Variants in SIN3B observed in about 807,000 individuals in gnomAD.
SIN3B encodes the protein paired amphipathic helix protein Sin3b.
In SIN3B, 19 loss-of-function variants were observed where a neutral mutation model predicts 120.2. That is an observed-to-expected ratio of 0.16 (90% CI 0.11 to 0.23). The LOEUF (loss-of-function observed/expected upper bound fraction) is 0.23. Among genes scored for constraint, SIN3B ranks in the 10% least tolerant of loss-of-function variants. The pLI is 1.00. For missense variants in SIN3B, 1,073 were observed against 1,573.0 expected, an observed-to-expected ratio of 0.68 and a Z score of 5.38; for synonymous variants, 654 against 653.2, an observed-to-expected ratio of 1.00 and a Z score of -0.02.
intron 3 of SIN3B, among the ~76,000 whole-genome samples, chr19:16,835,924 AC>A (rs1319035181): frequency 6.6e-6 from 1 of 152,030 alleles, no homozygotes; most frequent in Non-Finnish European, 1.5e-5. Flanking sequence ...TACAGGTGTG[AC>A]CCACCACGCC....
chr19:16,858,074 G>A (rs1204117918), intron 8 of SIN3B, among the ~76,000 whole-genome samples: 3 of 151,874 alleles, frequency 2.0e-5, no homozygotes, highest in Non-Finnish European at 1.5e-5. Context: ...ACAGAGTTTC[G>A]CCATGTTGGT....
intron 14 of SIN3B, among the ~76,000 whole-genome samples, chr19:16,873,530 C>T (rs566803476): frequency 6.6e-6 from 1 of 151,262 alleles, no homozygotes; most frequent in Admixed American, 6.6e-5. Context: ...CCTCCCCCCC[C>T]CCCCAGGCTG....
In SIN3B at chr19:16,849,246, C is replaced by T. The variant is rs377423384; in HGVS notation, c.726+2133C>T. Among the ~76,000 whole-genome samples the T allele has an allele frequency of 1.2e-4, 18 of 152,298 alleles. 1 individual carries two copies. The South Asian group carries it at 2.5e-3, about 21-fold the overall frequency. On this transcript the variant is annotated intron_variant, in intron 5 of 18. Coordinates refer to ENST00000248054, the MANE Select transcript of SIN3B (RefSeq NM_001297595.2). ...TTGACTGGCCTGGATCAGAGGTTGG[C>T]AAACCTTCTCTACAAAGGGCCAGAT...
Position 16,843,218 on chromosome 19 carries a change from C to T in SIN3B, c.582+1250C>T, listed in dbSNP as rs567281375. On this transcript the variant is annotated intron_variant, in intron 4 of 18. Coordinates refer to ENST00000248054, the MANE Select transcript of SIN3B (RefSeq NM_001297595.2). ...CTTCAAACAATTCTCCTGCCTCAGC[C>T]TCCTGAGCAGCTGGGACTACAGGCA... Among the ~76,000 whole-genome samples, 4 of 152,336 alleles carry T rather than the reference C, an allele frequency of 2.6e-5. No homozygotes were observed. In the South Asian group the frequency reaches 6.2e-4, roughly 24 times the overall value.
intron 17 of SIN3B, 32 bp downstream of exon 17, chr19:16,877,671 T>C: frequency 6.9e-7 from 1 of 1,446,970 alleles, no homozygotes. Context: ...GCTCTGTTCC[T>C]TCCTTCCTGG....
intron 3 of SIN3B, among the ~76,000 whole-genome samples, chr19:16,839,029 G>A (rs928282811): frequency 4.1e-5 from 6 of 145,088 alleles, no homozygotes; most frequent in African/African-American, 7.8e-5. Flanking sequence ...GCTGGAGTGC[G>A]GTGGTGCATT....
intron 11 of SIN3B, 46 bp downstream of exon 11, chr19:16,865,694 TCCCTCCCCTC>T (rs759084915): frequency 1.8e-5 from 21 of 1,153,706 alleles, no homozygotes; most frequent in South Asian, 3.0e-5. Flanking sequence ...CCTTCCCCCT[TCCCTCCCCTC>T]CCCTCCCCTC....
intron 5 of SIN3B, 124 bp downstream of exon 5, chr19:16,847,237 G>A (rs1971490819): frequency 3.7e-6 from 4 of 1,083,180 alleles, no homozygotes; most frequent in South Asian, 1.6e-5. Context: ...TCCCCCAGAA[G>A]CTACGCAGGT....
intron 8 of SIN3B, among the ~76,000 whole-genome samples, chr19:16,859,672 A>G (rs184828241): frequency 6.6e-6 from 1 of 152,286 alleles, no homozygotes; most frequent in East Asian, 1.9e-4. Context: ...TCTCAGCCAA[A>G]ACGGGGACTC....
chr19:16,859,564 G>A (rs1173767814), intron 8 of SIN3B, among the ~76,000 whole-genome samples: 1 of 152,178 alleles, frequency 6.6e-6, no homozygotes, highest in Admixed American at 6.5e-5. Context: ...AGGCATGCAC[G>A]TGTTGGGGTG....
intron 4 of SIN3B, among the ~76,000 whole-genome samples, chr19:16,842,942 C>A (rs1971436119): frequency 6.6e-6 from 1 of 152,148 alleles, no homozygotes; most frequent in African/African-American, 2.4e-5. Context: ...GTCCAGAGAC[C>A]AGAGCAGACA....
intron 8 of SIN3B, among the ~76,000 whole-genome samples, chr19:16,857,325 AAC>A (rs1202160829): frequency 7.2e-5 from 11 of 152,172 alleles, no homozygotes. Context: ...TAACTCCAAG[AAC>A]AGTTTTTATA....
chr19:16,855,836 A>G (rs1231159296), intron 8 of SIN3B: 1 of 152,166 alleles, frequency 6.6e-6, no homozygotes, highest in Non-Finnish European at 1.5e-5. Context: ...TGGGTGGATC[A>G]CTTGATGTCA....
chr19:16,833,025 C>G (rs935141081), intron 3 of SIN3B, among the ~76,000 whole-genome samples: 6 of 152,298 alleles, frequency 3.9e-5, no homozygotes, highest in African/African-American at 1.4e-4. Context: ...CAGACCTTCA[C>G]TCAGTTCTGA....
At position 16,866,614 on chromosome 19, in the gene SIN3B, G is replaced by A. The variant is rs535990229; in HGVS notation, c.1806+58G>A. 109 of 1,538,432 alleles carry A rather than the reference G, an allele frequency of 7.1e-5. 2 individuals carry two copies. In the South Asian group the frequency reaches 8.3e-4, roughly 12 times the overall value. On this transcript the variant is annotated intron_variant, in intron 12 of 18. Coordinates refer to ENST00000248054, the MANE Select transcript of SIN3B (RefSeq NM_001297595.2). ...GGGTGGGGTCCTGGCTCTCCCGACC[G>A]CCGGGTCTGTGCCTCTGTTTCCCTG...
intron 5 of SIN3B, among the ~76,000 whole-genome samples, chr19:16,849,275 A>G (rs1232295910): frequency 6.6e-6 from 1 of 152,224 alleles, no homozygotes; most frequent in Non-Finnish European, 1.5e-5. Flanking sequence ...GCCAGATAGT[A>G]AGTATCACAG....
In SIN3B at chr19:16,870,392, T is replaced by C. The variant is rs77182645; in HGVS notation, c.2422+317T>C. Among the ~76,000 whole-genome samples the C allele has an allele frequency of 2.7e-4, 41 of 151,598 alleles. No individual in the cohort carries two copies. The East Asian group carries it at 7.5e-3, about 28-fold the overall frequency. On this transcript the variant is annotated intron_variant, in intron 13 of 18. Coordinates refer to ENST00000248054, the MANE Select transcript of SIN3B (RefSeq NM_001297595.2). ...CCACAGTACCCTTTTTCTTTCTTTT[T>C]TTTTTTTTTTGAGATGGAGTCTTGC...
chr19:16,865,341 T>G, intron 10 of SIN3B, 69 bp from the exon 11 acceptor site: 3 of 650,776 alleles, frequency 4.6e-6, no homozygotes, highest in South Asian at 1.6e-5. Flanking sequence ...GTCTCTGAGG[T>G]CCCAGGCTCC....
At chr19:16,846,913 C>A in intron 4 of SIN3B, 57 bp from the exon 5 acceptor site, 1 of 1,572,212 alleles carries the variant, frequency 6.4e-7, no homozygotes, top group South Asian at 1.2e-5. Context: ...GTGTCCCGGC[C>A]CAGGGCACAG....
Sources: gnomAD v4.1 joint callset for allele counts (sites outside exome capture counted in the v4.1 genomes callset) on GRCh38, gnomAD v4.1.1 for gene constraint, MANE v1.5 for transcripts, NCBI Gene and HGNC (gene_info 2026-07-23, HGNC 2026-07-21) for gene names.